MTUS2: variants seen among roughly 807,000 people sequenced by gnomAD.
MTUS2 encodes microtubule-associated tumor suppressor candidate 2.
In MTUS2, 40 loss-of-function variants were observed where a neutral mutation model predicts 114.1. The ratio of observed to expected loss-of-function variants is 0.35; its 90% CI spans 0.27 to 0.46. The LOEUF (loss-of-function observed/expected upper bound fraction) is 0.46. MTUS2 is among the 20% of genes least tolerant of loss of function. The pLI, the probability that MTUS2 is intolerant of heterozygous loss-of-function variation, is 1.00. For missense variants in MTUS2, 1,679 were observed against 1,705.4 expected (o/e 0.98, Z 0.27); for synonymous variants, 688 against 672.0 (o/e 1.02, Z -0.37).
intron 2 of MTUS2, among the ~76,000 whole-genome samples, chr13:28,914,592 T>A (rs1880641311): frequency 1.3e-5 from 2 of 152,138 alleles, no homozygotes; most frequent in South Asian, 4.1e-4. Context: ...TTTGTAGATA[T>A]TTATCAGGTC....
chr13:28,967,994 A>G (rs1020603817), intron 2 of MTUS2, among the ~76,000 whole-genome samples: 1 of 152,216 alleles, frequency 6.6e-6, no homozygotes, highest in Non-Finnish European at 1.5e-5. Context: ...TGTTTACACA[A>G]TTGAAACATG....
intron 2 of MTUS2, among the ~76,000 whole-genome samples, chr13:28,983,460 T>A (rs1027883482): frequency 6.6e-6 from 1 of 152,210 alleles, no homozygotes; most frequent in Non-Finnish European, 1.5e-5. Context: ...TGAAAAAATA[T>A]ATGATGTAAA....
At chr13:29,213,015 G>A (rs532279010) in intron 5 of MTUS2, among the ~76,000 whole-genome samples, 3 of 152,140 alleles carry the variant, frequency 2.0e-5, no homozygotes, top group African/African-American at 7.2e-5. Context: ...TCTGTCATTA[G>A]AGTAAATGAT....
chr13:29,496,170 C>T lies in MTUS2; in HGVS notation c.3580-1068C>T, dbSNP rs1001096572. Among the ~76,000 whole-genome samples the T allele has an allele frequency of 1.4e-4, 21 of 152,076 alleles. No individual in the cohort carries two copies. Among genetic ancestry groups the T allele is most frequent in the Non-Finnish European group, 4.4e-5 (3 of 68,022 alleles). On this transcript the variant is annotated intron_variant, in intron 12 of 15. Coordinates refer to ENST00000612955, the MANE Select transcript of MTUS2 (RefSeq NM_001033602.4). This position sits in a 1 kb window ranked among gnomAD's most constrained non-coding sequence, Gnocchi z 4.3. ...GCAGGGTCAGTGCAGGTGCATCTGC[C>T]CTGGGACCTGGGGAAGGGGTGCAGT...
chr13:28,897,803 C>CA (rs984458445), intron 2 of MTUS2, among the ~76,000 whole-genome samples: 5 of 150,098 alleles, frequency 3.3e-5, no homozygotes, highest in Admixed American at 1.4e-4. Flanking sequence ...ATCACAAGGA[C>CA]AAAAAACCAA....
intron 2 of MTUS2, among the ~76,000 whole-genome samples, chr13:28,953,209 T>A (rs633914): frequency 0.91 from 137,872 of 151,220 alleles, 63,233 homozygotes; most frequent in South Asian, 0.99. Context: ...GTTGCTTTTC[T>A]ATCAACTAAG....
At chr13:29,114,669 G>A (rs1891015011) in intron 5 of MTUS2, among the ~76,000 whole-genome samples, 1 of 152,012 alleles carries the variant, frequency 6.6e-6, no homozygotes, top group Admixed American at 6.6e-5. Flanking sequence ...AACTGAGAAG[G>A]GAATAAGGAG....
chr13:29,052,070 G>A (rs1439053321), intron 4 of MTUS2, among the ~76,000 whole-genome samples: 1 of 152,036 alleles, frequency 6.6e-6, no homozygotes, highest in African/African-American at 2.4e-5. Flanking sequence ...AATGTGTTCG[G>A]GGTCACAAAA....
chr13:29,266,651 C>T (rs2139484502), intron 5 of MTUS2, among the ~76,000 whole-genome samples: 1 of 152,238 alleles, frequency 6.6e-6, no homozygotes, highest in Admixed American at 6.5e-5. Context: ...CTATACATGG[C>T]CCACCTCGGT....
intron 8 of MTUS2, among the ~76,000 whole-genome samples, chr13:29,399,812 G>A (rs544304566): frequency 2.0e-5 from 3 of 152,252 alleles, no homozygotes; most frequent in African/African-American, 7.2e-5. Context: ...CAAATGGCAA[G>A]TAAATGAAAA....
chr13:29,322,108 C>A (rs1466234534), intron 6 of MTUS2, among the ~76,000 whole-genome samples: 1 of 152,148 alleles, frequency 6.6e-6, no homozygotes, highest in African/African-American at 2.4e-5. Flanking sequence ...TCAAAACTAT[C>A]AATATTTGCA....
intron 2 of MTUS2, among the ~76,000 whole-genome samples, chr13:28,982,428 ATGC>A (rs1194248015): frequency 1.3e-5 from 2 of 152,106 alleles, no homozygotes; most frequent in Non-Finnish European, 2.9e-5. Context: ...GGAATGTAAA[ATGC>A]TGCTGCTGCT....
chr13:29,030,685 A>C (rs1403301820), intron 3 of MTUS2, among the ~76,000 whole-genome samples: 5 of 152,132 alleles, frequency 3.3e-5, no homozygotes, highest in African/African-American at 1.2e-4. Flanking sequence ...CACATTTTTG[A>C]TAATGTGTTG....
At chr13:29,108,737 G>C (rs754590950) in intron 5 of MTUS2, among the ~76,000 whole-genome samples, 3 of 152,148 alleles carry the variant, frequency 2.0e-5, no homozygotes, top group Non-Finnish European at 1.5e-5. Flanking sequence ...GGCACAGGAA[G>C]GGGGAAGTAT....
At chr13:28,861,184 G>A (rs1049036156) in intron 2 of MTUS2, among the ~76,000 whole-genome samples, 6 of 152,180 alleles carry the variant, frequency 3.9e-5, no homozygotes, top group Non-Finnish European at 7.3e-5. Flanking sequence ...ACGTACAATG[G>A]GAAGTCCTAT....
chr13:28,894,351 T>G (rs865896262), intron 2 of MTUS2, among the ~76,000 whole-genome samples: 275 of 42,210 alleles, frequency 6.5e-3, no homozygotes, highest in East Asian at 0.011. Flanking sequence ...AGAGAGAGAG[T>G]GAGAGTGAGA....
chr13:29,059,706 A>C (rs1054609009), intron 4 of MTUS2, among the ~76,000 whole-genome samples: 1 of 152,184 alleles, frequency 6.6e-6, no homozygotes, highest in Non-Finnish European at 1.5e-5. Flanking sequence ...TTGCCTGGCT[A>C]TGAGAGTTGG....
At chr13:29,357,943 C>G (rs1340471106) in intron 7 of MTUS2, among the ~76,000 whole-genome samples, 1 of 152,162 alleles carries the variant, frequency 6.6e-6, no homozygotes, top group African/African-American at 2.4e-5. Flanking sequence ...TGCACGTTCA[C>G]AAACCCATTA....
chr13:28,935,861 C>G (rs1262299891), intron 2 of MTUS2, among the ~76,000 whole-genome samples: 1 of 152,086 alleles, frequency 6.6e-6, no homozygotes, highest in African/African-American at 2.4e-5. Context: ...ATCCTCTTAC[C>G]TCAACCTCCT....
Sources: gnomAD v4.1 joint callset for allele counts (sites outside exome capture counted in the v4.1 genomes callset) on GRCh38, gnomAD v4.1.1 for gene constraint, Gnocchi (gnomAD v3.1) non-coding constraint, MANE v1.5 for transcripts, NCBI Gene and HGNC (gene_info 2026-07-23, HGNC 2026-07-21) for gene names.